AZIN2: variants seen among roughly 807,000 people sequenced by gnomAD.
The protein encoded by AZIN2 is antizyme inhibitor 2.
In AZIN2, 28 loss-of-function variants were observed where a neutral mutation model predicts 47.8. The observed-to-expected ratio is 0.59, with a 90% confidence interval of 0.43 to 0.80. AZIN2 has a LOEUF of 0.80. Ranked by LOEUF, AZIN2 falls within the 30% of genes least tolerant of loss-of-function variation. The pLI is 0.00. For missense variants in AZIN2, 535 were observed against 582.5 expected, an observed-to-expected ratio of 0.92 and a Z score of 0.84; for synonymous variants, 221 against 239.4, an observed-to-expected ratio of 0.92 and a Z score of 0.71.
At chr1:33,117,615 C>T (rs562257352) in intron 10 of AZIN2, among the ~76,000 whole-genome samples, 1 of 152,224 alleles carries the variant, frequency 6.6e-6, no homozygotes, top group East Asian at 1.9e-4. Context: ...TGTTGTTATC[C>T]CCATTTTACA....
the AZIN2 span, among the ~76,000 whole-genome samples, chr1:33,141,487 C>T: frequency 6.6e-6 from 1 of 152,176 alleles, no homozygotes; most frequent in Non-Finnish European, 1.5e-5. Flanking sequence ...CACTCAGACC[C>T]TTCCAGCATT....
At chr1:33,099,769 T>G (rs1273520906) in intron 10 of AZIN2, among the ~76,000 whole-genome samples, 1 of 152,192 alleles carries the variant, frequency 6.6e-6, no homozygotes, top group African/African-American at 2.4e-5. Context: ...TCTTAACTGC[T>G]TTTCAAGTTT....
intron 5 of AZIN2, among the ~76,000 whole-genome samples, chr1:33,090,523 A>G (rs1642416130): frequency 6.6e-6 from 1 of 152,200 alleles, no homozygotes; most frequent in Non-Finnish European, 1.5e-5. Context: ...CTCTGTCCAA[A>G]AGATCCTTGG....
chr1:33,151,975 C>T, the AZIN2 span, among the ~76,000 whole-genome samples: 2 of 152,254 alleles, frequency 1.3e-5, no homozygotes, highest in African/African-American at 2.4e-5. Flanking sequence ...TGGCTGTAAG[C>T]GTTTTCCTCT....
chr1:33,155,749 AG>A, the AZIN2 span, among the ~76,000 whole-genome samples: 1 of 152,210 alleles, frequency 6.6e-6, no homozygotes, highest in Non-Finnish European at 1.5e-5. Flanking sequence ...TCTCCTCTAA[AG>A]GACATCGTGC....
In AZIN2 at chr1:33,104,533, A is replaced by C. The variant is rs934858960; in HGVS notation, c.1029+6354A>C. Among the ~76,000 whole-genome samples, 4 of 144,928 alleles carry C rather than the reference A, an allele frequency of 2.8e-5. No homozygotes were observed. In the Admixed American group the frequency reaches 2.9e-4, roughly 10 times the overall value. On this transcript the variant is annotated intron_variant, in intron 10 of 11. Coordinates refer to ENST00000294517, the MANE Select transcript of AZIN2 (RefSeq NM_052998.4). ...CTTTTGTGCTCTGCTGTTATAGATTATCTTTATTACATATATATATATATA... is the reference window on the plus strand; with the variant it reads ...CTTTTGTGCTCTGCTGTTATAGATTCTCTTTATTACATATATATATATATA...
chr1:33,160,143 G>T, the AZIN2 span, among the ~76,000 whole-genome samples: 1 of 152,162 alleles, frequency 6.6e-6, no homozygotes, highest in African/African-American at 2.4e-5. Flanking sequence ...AATAGCTAAT[G>T]AAATGGCCCA....
chr1:33,159,466 C>G, the AZIN2 span, among the ~76,000 whole-genome samples: 1 of 152,328 alleles, frequency 6.6e-6, no homozygotes, highest in South Asian at 2.1e-4. This position sits in a 1 kb window ranked among gnomAD's most constrained non-coding sequence, Gnocchi z 4.2. Context: ...GGTTTTCAAA[C>G]TGTGTTCCTC....
chr1:33,087,432 C>CAT (rs201226575), intron 5 of AZIN2, among the ~76,000 whole-genome samples: 6 of 146,786 alleles, frequency 4.1e-5, no homozygotes, highest in Non-Finnish European at 7.5e-5. Flanking sequence ...TGCACCCAGC[C>CAT]ATATATATAT....
At chr1:33,159,499 T>C in the AZIN2 span, among the ~76,000 whole-genome samples, 101 of 152,264 alleles carry the variant, frequency 6.6e-4, no homozygotes, top group African/African-American at 2.3e-3. This position sits in a 1 kb window ranked among gnomAD's most constrained non-coding sequence, Gnocchi z 4.2. Context: ...GCTCCTCTAG[T>C]TCAAGCCTCA....
At chr1:33,151,092 G>A in the AZIN2 span, among the ~76,000 whole-genome samples, 1 of 152,112 alleles carries the variant, frequency 6.6e-6, no homozygotes, top group African/African-American at 2.4e-5. Context: ...TGAGCCACTT[G>A]TGGTGCCACT....
chr1:33,103,720 A>G (rs953042110), intron 10 of AZIN2, among the ~76,000 whole-genome samples: 1 of 152,158 alleles, frequency 6.6e-6, no homozygotes, highest in Non-Finnish European at 1.5e-5. Flanking sequence ...AGTGCCTGGC[A>G]TATAGTAGGT....
the AZIN2 span, chr1:33,165,415 T>A: frequency 7.7e-7 from 1 of 1,304,748 alleles, no homozygotes; most frequent in Non-Finnish European, 1.1e-6. The surrounding 1 kb of genome is among the most constrained non-coding windows in gnomAD (Gnocchi z 4.0). Flanking sequence ...GCCCCGCCCC[T>A]CGAAGCCCTG....
At chr1:33,091,538 T>A (rs1642552066) in intron 5 of AZIN2, among the ~76,000 whole-genome samples, 1 of 65,222 alleles carries the variant, frequency 1.5e-5, no homozygotes, top group African/African-American at 7.0e-5. Context: ...CTGCGCCCTG[T>A]CCTATTTTCA....
chr1:33,119,204 T>C (rs1424983557), intron 11 of AZIN2: 4 of 152,812 alleles, frequency 2.6e-5, no homozygotes, highest in African/African-American at 7.2e-5. Flanking sequence ...GTGGCCATAG[T>C]GGATGGCTCA....
At chr1:33,083,333 G>C (rs951431967) in intron 4 of AZIN2, 5 of 157,918 alleles carry the variant, frequency 3.2e-5, no homozygotes, top group Admixed American at 2.9e-4. Flanking sequence ...TAAGTAATGT[G>C]GTCTCACCCA....
At chr1:33,095,120 C>T (rs1643004602) in intron 8 of AZIN2, among the ~76,000 whole-genome samples, 2 of 152,216 alleles carry the variant, frequency 1.3e-5, no homozygotes, top group Admixed American at 6.5e-5. Context: ...TTCCTCTATT[C>T]CCTTTTCCTT....
Position 33,117,893 on chromosome 1 carries a change from T to C in AZIN2, c.1030-9T>C. ...GGAGAGCTGGCATGGCCATCCCTTC[T>C]TCCTACAGAAACCATCCACGGAGCA... On this transcript the variant is annotated splice_polypyrimidine_tract_variant and intron_variant, in intron 10 of 11. Transcript: ENST00000294517. 2 of 1,614,182 alleles carry C rather than the reference T, an allele frequency of 1.2e-6. No individual in the cohort carries two copies. Among genetic ancestry groups the C allele is most frequent in the South Asian group, 1.1e-5 (1 of 91,076 alleles).
the AZIN2 span, among the ~76,000 whole-genome samples, chr1:33,132,511 C>T: frequency 4.2e-3 from 639 of 152,320 alleles, 1 homozygote; most frequent in Non-Finnish European, 7.0e-3. Flanking sequence ...TCACTCCTTC[C>T]TTCCAGCAAG....
Sources: gnomAD v4.1 joint callset for allele counts (sites outside exome capture counted in the v4.1 genomes callset) on GRCh38, gnomAD v4.1.1 for gene constraint, Gnocchi (gnomAD v3.1) non-coding constraint, MANE v1.5 for transcripts, NCBI Gene and HGNC (gene_info 2026-07-23, HGNC 2026-07-21) for gene names.